Variants in CACNB2 observed in about 807,000 individuals in gnomAD.
CACNB2 encodes voltage-dependent L-type calcium channel subunit beta-2.
In CACNB2, 42 loss-of-function variants were observed where a neutral mutation model predicts 73.3. That is an observed-to-expected ratio of 0.57 (90% CI 0.45 to 0.74). CACNB2 has a LOEUF of 0.74. Among genes scored for constraint, CACNB2 ranks in the 30% least tolerant of loss-of-function variants. CACNB2 has a pLI of 0.00. For missense variants in CACNB2, 940 were observed against 853.0 expected (o/e 1.10, Z -1.27); for synonymous variants, 348 against 310.3 (o/e 1.12, Z -1.28).
chr10:18,323,718 C>T (rs2040479876), intron 2 of CACNB2, among the ~76,000 whole-genome samples: 1 of 152,252 alleles, frequency 6.6e-6, no homozygotes, highest in Admixed American at 6.5e-5. Context: ...TTGGAATGTC[C>T]TAATGAAAAG....
At chr10:18,154,078 A>G (rs1218594025) in intron 2 of CACNB2, among the ~76,000 whole-genome samples, 1 of 151,932 alleles carries the variant, frequency 6.6e-6, no homozygotes. Context: ...GTTAGAGTCT[A>G]CTATAGCCCT....
chr10:18,150,853 G>GTTTTTTTTTTTTTTTTTT (rs756678637), intron 1 of CACNB2, 30 bp from the exon 2 acceptor site: 1 of 653,704 alleles, frequency 1.5e-6, no homozygotes. Context: ...AATCTTATTT[G>GTTTTTTTTTTTTTTTTTT]TCTTTTTTTT....
chr10:18,197,211 G>A (rs930606655), intron 2 of CACNB2, among the ~76,000 whole-genome samples: 1 of 152,060 alleles, frequency 6.6e-6, no homozygotes, highest in African/African-American at 2.4e-5. Context: ...CTAGCATTTG[G>A]GCCTGGCCCA....
intron 2 of CACNB2, among the ~76,000 whole-genome samples, chr10:18,195,627 A>G (rs1178126589): frequency 6.6e-6 from 1 of 152,186 alleles, no homozygotes; most frequent in African/African-American, 2.4e-5. Context: ...ACGTGCCAAG[A>G]ATGTTCTCTG....
intron 2 of CACNB2, among the ~76,000 whole-genome samples, chr10:18,224,883 C>A (rs541605955): frequency 1.3e-4 from 20 of 152,328 alleles, no homozygotes; most frequent in African/African-American, 4.6e-4. Flanking sequence ...TCCGCCTCCT[C>A]CCTGCTACAT....
chr10:18,391,448 A>G (rs977286442), intron 2 of CACNB2, among the ~76,000 whole-genome samples: 5 of 152,178 alleles, frequency 3.3e-5, no homozygotes, highest in African/African-American at 4.8e-5. Context: ...TCTCTCTTTC[A>G]GTCCTTATTC....
intron 3 of CACNB2, among the ~76,000 whole-genome samples, chr10:18,454,783 A>G (rs1420391931): frequency 1.3e-5 from 2 of 152,228 alleles, no homozygotes; most frequent in Non-Finnish European, 2.9e-5. Context: ...TCACGCCTGC[A>G]ATCTCAGTAT....
At chr10:18,465,265 G>A (rs1308326418) in intron 3 of CACNB2, among the ~76,000 whole-genome samples, 1 of 152,216 alleles carries the variant, frequency 6.6e-6, no homozygotes, top group East Asian at 1.9e-4. Context: ...GGGAGTGGGA[G>A]TTTGCAGTGA....
intron 2 of CACNB2, among the ~76,000 whole-genome samples, chr10:18,236,719 C>G (rs2036460012): frequency 6.6e-6 from 1 of 152,172 alleles, no homozygotes; most frequent in Non-Finnish European, 1.5e-5. Context: ...ATCTACCTGC[C>G]ATTTACCCCT....
At chr10:18,198,721 A>G (rs549442932) in intron 2 of CACNB2, among the ~76,000 whole-genome samples, 231 of 152,210 alleles carry the variant, frequency 1.5e-3, no homozygotes, top group African/African-American at 5.3e-3. Flanking sequence ...GTATGCCCAC[A>G]CTTTTACTTC....
At chr10:18,247,166 C>A (rs978664364) in intron 2 of CACNB2, among the ~76,000 whole-genome samples, 2 of 152,180 alleles carry the variant, frequency 1.3e-5, no homozygotes, top group Admixed American at 6.5e-5. Flanking sequence ...CCCTTCTCCC[C>A]TTCTAAGTAG....
At chr10:18,232,135 G>C (rs2036247362) in intron 2 of CACNB2, among the ~76,000 whole-genome samples, 1 of 152,168 alleles carries the variant, frequency 6.6e-6, no homozygotes, top group African/African-American at 2.4e-5. Context: ...TTTTGGGGTT[G>C]ATCATTGGAG....
chr10:18,326,247 T>C (rs1589048110), intron 2 of CACNB2, among the ~76,000 whole-genome samples: 4 of 152,204 alleles, frequency 2.6e-5, no homozygotes, highest in African/African-American at 9.7e-5. Context: ...CATGCAAATA[T>C]TACCTTGAGT....
chr10:18,387,306 C>T (rs915158931), intron 2 of CACNB2, among the ~76,000 whole-genome samples: 1 of 152,162 alleles, frequency 6.6e-6, no homozygotes, highest in South Asian at 2.1e-4. Flanking sequence ...CATAGTGTCC[C>T]ATGGCTTTCC....
chr10:18,406,830 G>A (rs7477742), intron 3 of CACNB2, among the ~76,000 whole-genome samples: 61,901 of 151,934 alleles, frequency 0.41, 13,598 homozygotes, highest in Middle Eastern at 0.55. Context: ...TTAGAGGATG[G>A]ACAGGTGAAG....
At chr10:18,401,056 C>T in intron 2 of CACNB2, 2 of 1,614,180 alleles carry the variant, frequency 1.2e-6, no homozygotes, top group Non-Finnish European at 1.7e-6. Flanking sequence ...GATCAGGCTT[C>T]TGAAAAGAGC....
intron 3 of CACNB2, among the ~76,000 whole-genome samples, chr10:18,453,698 C>T (rs113948011): frequency 0.013 from 1,932 of 152,334 alleles, 18 homozygotes; most frequent in Non-Finnish European, 0.017. Context: ...GGCGCGATCT[C>T]GGCTGGCTGC....
chr10:18,469,964 A>C (rs1570937), intron 3 of CACNB2, among the ~76,000 whole-genome samples: 147,297 of 152,196 alleles, frequency 0.97, 71,301 homozygotes, highest in African/African-American at 0.99. Flanking sequence ...TTTGAATACA[A>C]CCCAACAACA....
chr10:18,163,336 A>G (rs1340911872), intron 2 of CACNB2, among the ~76,000 whole-genome samples: 1 of 118,206 alleles, frequency 8.5e-6, no homozygotes, highest in Non-Finnish European at 1.8e-5. Context: ...TATTTATTAT[A>G]TCAAATTGGT....
Sources: allele counts gnomAD v4.1 joint callset (sites outside exome capture counted in the v4.1 genomes callset), GRCh38; gene constraint gnomAD v4.1.1; transcripts MANE v1.5; gene names NCBI Gene and HGNC (gene_info 2026-07-23, HGNC 2026-07-21).